The following PDE10A variants were observed in gnomAD, a reference collection of about 807,000 sequenced individuals.
PDE10A encodes cAMP and cAMP-inhibited cGMP 3',5'-cyclic phosphodiesterase 10A.
Under a neutral mutation model 97.7 loss-of-function variants are expected in PDE10A, and 39 were observed. The ratio of observed to expected loss-of-function variants is 0.40; its 90% CI spans 0.31 to 0.52. The LOEUF (loss-of-function observed/expected upper bound fraction) is 0.52, where lower values mean the gene tolerates loss of function less well. PDE10A is among the 20% of genes least tolerant of loss of function. The pLI is 0.56. For missense variants in PDE10A, 731 were observed against 1,047.8 expected (o/e 0.70, Z 4.17); for synonymous variants, 371 against 376.8 (o/e 0.98, Z 0.18).
At chr6:165,556,523 G>A (rs1349675493) in intron 1 of PDE10A, among the ~76,000 whole-genome samples, 3 of 152,122 alleles carry the variant, frequency 2.0e-5, no homozygotes, top group Non-Finnish European at 4.4e-5. Flanking sequence ...TAACTTTGAA[G>A]GTAACAGATA....
At chr6:165,626,959 T>A (rs988654639) in intron 1 of PDE10A, among the ~76,000 whole-genome samples, 21 of 152,162 alleles carry the variant, frequency 1.4e-4, no homozygotes, top group Admixed American at 4.6e-4. Flanking sequence ...CTTCAGATGG[T>A]GACCCAGACT....
At chr6:165,487,657 G>A (rs1779997805) in intron 2 of PDE10A, among the ~76,000 whole-genome samples, 1 of 152,090 alleles carries the variant, frequency 6.6e-6, no homozygotes, top group Non-Finnish European at 1.5e-5. Context: ...TGGGCAAGGT[G>A]CCTAACTTCT....
rs1306536535 is a variant in PDE10A at position 165,819,637 on chromosome 6, T to C, written c.-615+167892A>G. 6.6e-6 allele frequency among the ~76,000 whole-genome samples: 1 copy of C among 152,142 alleles called. No homozygotes were observed. Among genetic ancestry groups the C allele is most frequent in the East Asian group, 1.9e-4 (1 of 5,186 alleles). On this transcript the variant is annotated intron_variant, in intron 1 of 19. Coordinates refer to the PDE10A transcript ENST00000366882. This position sits in a 1 kb window ranked among gnomAD's most constrained non-coding sequence, Gnocchi z 4.2. ...CAGAGCCGGTTGCTCCTCCCCTGGTTTCCGTGGTGTTTGACCGAAACCTTT... is the reference window on the plus strand; with the variant it reads ...CAGAGCCGGTTGCTCCTCCCCTGGTCTCCGTGGTGTTTGACCGAAACCTTT...
At chr6:165,958,575 AAGAAAGACAGAAAGAG>A (rs1784240293) in intron 1 of PDE10A, among the ~76,000 whole-genome samples, 1 of 34,940 alleles carries the variant, frequency 2.9e-5, no homozygotes, top group African/African-American at 1.0e-4. Context: ...GACAGACAGA[AAGAAAGACAGAAAGAG>A]AGAAAGAAAG....
At chr6:165,689,771 A>T (rs1791221234) in intron 1 of PDE10A, among the ~76,000 whole-genome samples, 1 of 152,158 alleles carries the variant, frequency 6.6e-6, no homozygotes, top group South Asian at 2.1e-4. Context: ...AGTCGTGGGT[A>T]TTCCTTTCGT....
Position 165,590,707 on chromosome 6 carries a change from C to T in PDE10A, c.866-47139G>A, listed in dbSNP as rs9459458. 3.4e-3 allele frequency among the ~76,000 whole-genome samples: 516 copies of T among 152,114 alleles called. 5 individuals carry two copies. Among genetic ancestry groups the T allele is most frequent in the African/African-American group, 0.012 (490 of 41,492 alleles). On this transcript the variant is annotated intron_variant, in intron 1 of 21. Coordinates refer to ENST00000539869, the MANE Select transcript of PDE10A (RefSeq NM_001385079.1). ...CAGATCGAGACCATCCTGGCTAACA[C>T]GGTGAAACCCCGTCTCTACTAAAAA...
intron 1 of PDE10A, chr6:165,780,975 G>T (rs1258550514): frequency 6.6e-6 from 1 of 152,240 alleles, no homozygotes; most frequent in African/African-American, 2.4e-5. Flanking sequence ...GTTGGGTGGT[G>T]GGGCCTAGTG....
chr6:165,899,927 A>G (rs1405578798), intron 1 of PDE10A, among the ~76,000 whole-genome samples: 1 of 152,110 alleles, frequency 6.6e-6, no homozygotes, highest in African/African-American at 2.4e-5. Flanking sequence ...ATCTCCCCAT[A>G]CACTGATTTT....
intron 1 of PDE10A, among the ~76,000 whole-genome samples, chr6:165,582,305 G>T (rs567944289): frequency 2.0e-4 from 31 of 152,182 alleles, no homozygotes; most frequent in African/African-American, 6.3e-4. Context: ...TGGAAATACA[G>T]GGCCCAAAAA....
chr6:165,418,582 G>C lies in PDE10A; in HGVS notation c.1796+53C>G. The stretch of plus-strand genomic sequence containing the variant: ...AATAGGCACAGAAAAATGGGTAACG[G>C]AACGCCTGCACATCTACCGTAAGAG... On this transcript the variant is annotated intron_variant, in intron 11 of 21. Transcript: ENST00000539869. The surrounding 1 kb of genome is among the most constrained non-coding windows in gnomAD (Gnocchi z 4.8). The C allele has an allele frequency of 6.4e-7, 1 of 1,552,062 alleles. No individual in the cohort carries two copies. Among genetic ancestry groups the C allele is most frequent in the Non-Finnish European group, 8.8e-7 (1 of 1,137,854 alleles).
At chr6:165,831,478 C>CTTTTTTTT (rs200237321) in intron 1 of PDE10A, among the ~76,000 whole-genome samples, 17 of 133,836 alleles carry the variant, frequency 1.3e-4, no homozygotes, top group African/African-American at 2.6e-4. Flanking sequence ...TTGCAGGAGT[C>CTTTTTTTT]TTTTTTTTTT....
chr6:165,648,790 C>T (rs772248750), intron 1 of PDE10A, among the ~76,000 whole-genome samples: 3 of 152,184 alleles, frequency 2.0e-5, no homozygotes, highest in Admixed American at 6.5e-5. Flanking sequence ...ACAGTCAGAT[C>T]GCCTGAGAAA....
At position 165,925,261 on chromosome 6, in the gene PDE10A, G is replaced by A. The variant is rs147120813; in HGVS notation, c.-615+62268C>T. Among the ~76,000 whole-genome samples, 14 of 152,294 alleles carry A rather than the reference G, an allele frequency of 9.2e-5. No individual in the cohort carries two copies. In the East Asian group the frequency reaches 2.5e-3, roughly 27 times the overall value. On this transcript the variant is annotated intron_variant, in intron 1 of 19. Transcript: ENST00000366882. Reference sequence around the variant, plus strand: ...AGCAATAACACCAAATGGTGGTGGGGTGAAGAGAAACTAGATCACTCGTAC... The same window carrying A: ...AGCAATAACACCAAATGGTGGTGGGATGAAGAGAAACTAGATCACTCGTAC...
rs947592571 is a variant in PDE10A at position 165,733,879 on chromosome 6, A to C, written c.-614-190311T>G. ...TGACAATCTGGTCTAGGAAGAAAAA[A>C]AAAAACTGGGCCTTTTGGTCAATAT... On this transcript the variant is annotated intron_variant, in intron 1 of 19. Coordinates refer to the PDE10A transcript ENST00000366882. Among the ~76,000 whole-genome samples, 6 of 152,296 alleles carry C rather than the reference A, an allele frequency of 3.9e-5. No individual in the cohort carries two copies. In the East Asian group the frequency reaches 1.2e-3, roughly 29 times the overall value.
chr6:165,354,375 T>A (rs1293918161), intron 18 of PDE10A, among the ~76,000 whole-genome samples: 1 of 152,130 alleles, frequency 6.6e-6, no homozygotes, highest in African/African-American at 2.4e-5. Context: ...ACCACATTAG[T>A]CCTAAGGCCA....
chr6:165,854,632 G>T (rs1780667767), intron 1 of PDE10A, among the ~76,000 whole-genome samples: 1 of 152,192 alleles, frequency 6.6e-6, no homozygotes, highest in South Asian at 2.1e-4. Flanking sequence ...GGTGAGGGGA[G>T]CGGGTGGCGA....
intron 1 of PDE10A, among the ~76,000 whole-genome samples, chr6:165,913,976 C>T (rs1268817447): frequency 6.6e-6 from 1 of 152,208 alleles, no homozygotes; most frequent in Non-Finnish European, 1.5e-5. Context: ...TTGAATGCAG[C>T]TAAAGCATAA....
At chr6:165,968,113 T>G (rs1387297529) in intron 1 of PDE10A, among the ~76,000 whole-genome samples, 1 of 152,144 alleles carries the variant, frequency 6.6e-6, no homozygotes, top group African/African-American at 2.4e-5. Flanking sequence ...TTAGGTGAGT[T>G]GGTGGGTGGC....
At chr6:165,393,855 AG>A (rs2128216647) in intron 15 of PDE10A, among the ~76,000 whole-genome samples, 1 of 152,300 alleles carries the variant, frequency 6.6e-6, no homozygotes, top group East Asian at 1.9e-4. Context: ...TACACTGAAA[AG>A]GATCAGTTAT....
Sources: gnomAD v4.1 joint callset for allele counts (sites outside exome capture counted in the v4.1 genomes callset) on GRCh38, gnomAD v4.1.1 for gene constraint, Gnocchi (gnomAD v3.1) non-coding constraint, MANE v1.5 for transcripts, NCBI Gene and HGNC (gene_info 2026-07-23, HGNC 2026-07-21) for gene names.